GGT5: variants seen among roughly 807,000 people sequenced by gnomAD.
The protein encoded by GGT5 is glutathione hydrolase 5 proenzyme.
A neutral mutation model predicts 58.1 loss-of-function variants in GGT5; 50 were observed. The ratio of observed to expected loss-of-function variants is 0.86; its 90% CI spans 0.69 to 1.09. GGT5 has a LOEUF of 1.09. GGT5 is among the 50% of genes least tolerant of loss of function. The pLI, the probability that GGT5 is intolerant of heterozygous loss-of-function variation, is 0.00. For synonymous variants in GGT5, 370 were observed against 346.1 expected (o/e 1.07, Z -0.77); for missense variants, 800 against 789.4 (o/e 1.01, Z -0.16).
rs769426895 is a variant in GGT5, at chr22:24,225,667, G to T, written c.1230-15C>A. ...TCGCTCCAAAGCTGCAGCCGTGGAG[G>T]CAGAAGAGCCTGGGCTAGGACCCGG... On this transcript the variant is annotated splice_polypyrimidine_tract_variant and intron_variant, in intron 8 of 11. Coordinates refer to ENST00000327365, the MANE Select transcript of GGT5 (RefSeq NM_004121.5). 3.9e-6 allele frequency: 6 copies of T among 1,537,560 alleles called. No individual in the cohort carries two copies. The highest frequency in any genetic ancestry group is 4.5e-6 in the Non-Finnish European group (5 of 1,112,340).
chr22:24,232,188 G>C lies in GGT5; in HGVS notation c.617C>G (p.Thr206Arg). The change falls in exon 5 of 12, where the codon ACA becomes AGA. Residue 206 changes from threonine (T) to arginine (R), a missense_variant. By Grantham distance (71) the Thr-to-Arg change is moderately conservative. Coordinates refer to ENST00000327365, the MANE Select transcript of GGT5 (RefSeq NM_004121.5). Reference protein sequence around the residue: ...STLRQLFFNGTEPLRPQDPLP... With the variant: ...STLRQLFFNGREPLRPQDPLP... ...TGGGTCCTGAGGCCTCAGGGGTTCT[G>C]TCCCGTTGAAGAAGAGCTGGCTGGG... 6.5e-7 allele frequency: 1 copy of C among 1,528,942 alleles called. No homozygotes were observed. Among genetic ancestry groups the C allele is most frequent in the African/African-American group, 1.4e-5 (1 of 72,328 alleles). 94.7% of individuals were successfully genotyped at this position (1,528,942 alleles called of 1,614,324 possible).
intron 7 of GGT5, 130 bp downstream of exon 7, chr22:24,226,501 T>G: frequency 9.7e-7 from 1 of 1,033,860 alleles, no homozygotes; most frequent in South Asian, 1.5e-5. Flanking sequence ...TCCCTTTCAG[T>G]CCTGCCCTGG....
rs907282218 is a variant in GGT5, at chr22:24,220,029, C to G, written c.1702G>C (p.Gly568Arg). 6.2e-7 allele frequency: 1 copy of G among 1,614,136 alleles called. No homozygotes were observed. Among genetic ancestry groups the G allele is most frequent in the African/African-American group, 1.3e-5 (1 of 75,066 alleles). ...LNVVQAVSQE[G>R]ACVYAVSDLR... Reference sequence around the variant, plus strand: ...TCCGAGACGGCGTACACACAGGCCCCCTCCTGGGACACAGCCTGGACCACG... The same window carrying G: ...TCCGAGACGGCGTACACACAGGCCCGCTCCTGGGACACAGCCTGGACCACG... The change falls in exon 12 of 12, where the codon GGG (glycine) becomes CGG (arginine). Residue 568 changes from glycine (G) to arginine (R), a missense_variant. Coordinates refer to ENST00000327365, the MANE Select transcript of GGT5 (RefSeq NM_004121.5).
At chr22:24,231,834 C>T (rs923005015) in intron 5 of GGT5, among the ~76,000 whole-genome samples, 22 of 152,140 alleles carry the variant, frequency 1.4e-4, no homozygotes, top group African/African-American at 4.8e-4. Flanking sequence ...CCATCGGTAA[C>T]GCCCCTCTGC....
rs61133301 is a variant in GGT5 at position 24,238,831 on chromosome 22, AT to A, written c.174-4828del. Among the ~76,000 whole-genome samples the A allele has an allele frequency of 8.1e-3, 73 of 9,064 alleles. 2 individuals carry two copies. The highest frequency in any genetic ancestry group is 0.024 in the African/African-American group (33 of 1,356). 5.9% of individuals were successfully genotyped at this position (9,064 alleles called of 152,430 possible). A position where few individuals can be genotyped will look rare whatever the true frequency, so the allele number is the denominator to read the frequency against. The stretch of plus-strand genomic sequence containing the variant: ...TAATATATTATATATATATATATAT[AT>A]TTATATATATATATTATATATATTA... On this transcript the variant is annotated intron_variant, in intron 1 of 11. Transcript: ENST00000327365.
At chr22:24,240,444 A>C in intron 1 of GGT5, among the ~76,000 whole-genome samples, 1 of 152,158 alleles carries the variant, frequency 6.6e-6, no homozygotes. Context: ...AAGGTGGAAA[A>C]TAATGAAAAA....
In GGT5 at chr22:24,238,939, AATATAT is replaced by A. The variant is rs1244317146; in HGVS notation, c.174-4941_174-4936del. Among the ~76,000 whole-genome samples, 35 of 15,892 alleles carry A rather than the reference AATATAT, an allele frequency of 2.2e-3. 3 individuals carry two copies. Among genetic ancestry groups the A allele is most frequent in the Non-Finnish European group, 2.6e-3 (26 of 9,950 alleles). 10.4% of individuals were successfully genotyped at this position (15,892 alleles called of 152,430 possible). A position where few individuals can be genotyped will look rare whatever the true frequency, so the allele number is the denominator to read the frequency against. On this transcript the variant is annotated intron_variant, in intron 1 of 11. Transcript: ENST00000327365. Reference sequence around the variant, plus strand: ...ATTATATATATAATATATATTATATAATATATATATATATATATAATATATATATAG... The same window carrying A: ...ATTATATATATAATATATATTATATAATATATATATATAATATATATATAG...
Position 24,226,177 on chromosome 22 carries a change from G to A in GGT5, c.1128C>T (p.Tyr376=). ...CGTGGCCCCAGGCCTCGGCCAAGCTGTAGTGGCTGAGCTGGTGGTCCCCCC... is the reference window on the plus strand; with the variant it reads ...CGTGGCCCCAGGCCTCGGCCAAGCTATAGTGGCTGAGCTGGTGGTCCCCCC... ...DGRGDHQLSH[Y]SLAEAWGHGT... The change falls in exon 8 of 12, where the codon TAC becomes TAT. Residue 376 remains tyrosine, a synonymous_variant. Coordinates refer to ENST00000327365, the MANE Select transcript of GGT5 (RefSeq NM_004121.5). 6.2e-7 allele frequency: 1 copy of A among 1,610,806 alleles called. No homozygotes were observed. Among genetic ancestry groups the A allele is most frequent in the Non-Finnish European group, 8.5e-7 (1 of 1,179,782 alleles).
chr22:24,228,379 T>C (rs9624432), intron 6 of GGT5, among the ~76,000 whole-genome samples: 23,804 of 151,630 alleles, frequency 0.16, 2,251 homozygotes, highest in Admixed American at 0.25. Context: ...CATCTGCCCA[T>C]GAGTGGCCTG....
intron 6 of GGT5, among the ~76,000 whole-genome samples, chr22:24,229,108 G>T (rs1380091461): frequency 6.9e-6 from 1 of 144,916 alleles, no homozygotes; most frequent in Non-Finnish European, 1.5e-5. Flanking sequence ...AAAAAAGAAG[G>T]AATGATATAA....
rs1460874603 is a variant in GGT5, at chr22:24,231,340, G to T, written c.901+44C>A. 11 of 1,406,364 alleles carry T rather than the reference G, an allele frequency of 7.8e-6. No individual in the cohort carries two copies. The Admixed American group carries it at 1.6e-4, about 20-fold the overall frequency. 87.1% of individuals were successfully genotyped at this position (1,406,364 alleles called of 1,614,324 possible). A position where few individuals can be genotyped will look rare whatever the true frequency, so the allele number is the denominator to read the frequency against. On this transcript the variant is annotated intron_variant, in intron 6 of 11. Transcript: ENST00000327365. ...GTCTGAGTTCCCGGGGGCCGGGGGTGCGGGGGAGGGGGTGGGCGCCAGGGC... is the reference window on the plus strand; with the variant it reads ...GTCTGAGTTCCCGGGGGCCGGGGGTTCGGGGGAGGGGGTGGGCGCCAGGGC...
intron 10 of GGT5, 28 bp downstream of exon 10, chr22:24,225,217 A>T: frequency 6.2e-7 from 1 of 1,608,336 alleles, no homozygotes; most frequent in African/African-American, 1.3e-5. Flanking sequence ...CAGAGAGGAG[A>T]CACTCGAGCC....
intron 7 of GGT5, 104 bp downstream of exon 7, chr22:24,226,527 A>C: frequency 7.9e-7 from 1 of 1,266,068 alleles, no homozygotes; most frequent in African/African-American, 1.5e-5. Flanking sequence ...AACCACATAC[A>C]TATCCCTCCA....
chr22:24,224,473 G>A (rs896715281), intron 11 of GGT5, among the ~76,000 whole-genome samples: 5 of 151,132 alleles, frequency 3.3e-5, no homozygotes, highest in Non-Finnish European at 4.4e-5. Flanking sequence ...AGCTGTGATC[G>A]CAACACTGCA....
In GGT5 at chr22:24,244,894, A is replaced by C; in HGVS notation, c.-169T>G. The C allele has an allele frequency of 7.4e-6, 9 of 1,209,488 alleles. No individual in the cohort carries two copies. The highest frequency in any genetic ancestry group is 1.0e-5 in the Non-Finnish European group (9 of 894,976). 74.9% of individuals were successfully genotyped at this position (1,209,488 alleles called of 1,614,324 possible). ...AGATGGATCGACAGATAGGCCAGAT[A>C]GCTAGACAAAGAGGACAGTAAGAGA... is the stretch of plus-strand genomic sequence containing the variant. On this transcript the variant is annotated 5_prime_UTR_variant, in exon 1 of 12. Transcript: ENST00000327365.
intron 6 of GGT5, 43 bp downstream of exon 6, chr22:24,231,341 C>CGGGGGGTGG (rs1569361891): frequency 2.9e-6 from 3 of 1,047,104 alleles, no homozygotes; most frequent in African/African-American, 5.2e-5. Context: ...GCCGGGGGTG[C>CGGGGGGTGG]GGGGGAGGGG....
chr22:24,231,344 G>A lies in GGT5; in HGVS notation c.901+40C>T, dbSNP rs750026312. 7.7e-6 allele frequency: 11 copies of A among 1,437,112 alleles called. No individual in the cohort carries two copies. In the South Asian group the frequency reaches 1.2e-4, roughly 16 times the overall value. The allele number at this position is 1,437,112 out of a possible 1,614,324, so 89.0% of individuals were successfully genotyped here. On this transcript the variant is annotated intron_variant, in intron 6 of 11. Transcript: ENST00000327365. ...GAGTTCCCGGGGGCCGGGGGTGCGG[G>A]GGAGGGGGTGGGCGCCAGGGCTCTG...
At chr22:24,236,913 G>A in intron 1 of GGT5, among the ~76,000 whole-genome samples, 1 of 152,032 alleles carries the variant, frequency 6.6e-6, no homozygotes, top group East Asian at 1.9e-4. Context: ...GTACAGGGCT[G>A]GAGACAGGCA....
At chr22:24,243,106 A>G (rs1464572208) in intron 1 of GGT5, 2 of 152,122 alleles carry the variant, frequency 1.3e-5, no homozygotes, top group Non-Finnish European at 2.9e-5. Flanking sequence ...CCACCTAGAA[A>G]TTTGTGGCAG....
Sources: gnomAD v4.1 joint callset for allele counts (sites outside exome capture counted in the v4.1 genomes callset) on GRCh38, gnomAD v4.1.1 for gene constraint, MANE v1.5 for transcripts, NCBI Gene and HGNC (gene_info 2026-07-23, HGNC 2026-07-21) for gene names.